The following IGSF11 variants were observed in gnomAD, a reference collection of about 807,000 sequenced individuals.
IGSF11 encodes the protein immunoglobulin superfamily member 11.
In IGSF11, 22 loss-of-function variants were observed where a neutral mutation model predicts 41.0. That is an observed-to-expected ratio of 0.54 (90% CI 0.38 to 0.77). The LOEUF (loss-of-function observed/expected upper bound fraction) is 0.77, where lower values mean the gene tolerates loss of function less well. IGSF11 is among the 30% of genes least tolerant of loss of function. The pLI is 0.00. For missense variants in IGSF11, 444 were observed against 530.8 expected, an observed-to-expected ratio of 0.84 and a Z score of 1.61; for synonymous variants, 219 against 201.3, an observed-to-expected ratio of 1.09 and a Z score of -0.74.
intron 1 of IGSF11, among the ~76,000 whole-genome samples, chr3:118,987,625 G>C (rs553251797): frequency 6.6e-6 from 1 of 152,192 alleles, no homozygotes; most frequent in Non-Finnish European, 1.5e-5. Flanking sequence ...GGGACACCAG[G>C]CAAAGAGCCC....
chr3:119,029,920 C>A (rs1940240477), intron 1 of IGSF11, among the ~76,000 whole-genome samples: 1 of 152,166 alleles, frequency 6.6e-6, no homozygotes, highest in South Asian at 2.1e-4. Flanking sequence ...ATTGACTTTC[C>A]AATCCCACAA....
intron 1 of IGSF11, among the ~76,000 whole-genome samples, chr3:119,029,053 A>G (rs1255089751): frequency 6.6e-6 from 1 of 152,120 alleles, no homozygotes; most frequent in East Asian, 1.9e-4. Flanking sequence ...ATGAAAAAAA[A>G]AGAAAACAAC....
At chr3:119,087,362 A>G (rs533554624) in intron 1 of IGSF11, among the ~76,000 whole-genome samples, 1 of 146,488 alleles carries the variant, frequency 6.8e-6, no homozygotes, top group East Asian at 2.0e-4. Flanking sequence ...AAGTGAATAA[A>G]GAAAATGTTA....
chr3:119,137,020 A>G (rs538828771), intron 1 of IGSF11, among the ~76,000 whole-genome samples: 1 of 152,276 alleles, frequency 6.6e-6, no homozygotes, highest in East Asian at 1.9e-4. Context: ...AATTAATTAA[A>G]GTGAAAGATC....
intron 1 of IGSF11, among the ~76,000 whole-genome samples, chr3:118,989,428 C>T (rs1432336007): frequency 1.3e-5 from 2 of 152,002 alleles, no homozygotes; most frequent in African/African-American, 2.4e-5. Context: ...TCTCAGCTCA[C>T]TGCAACCTCC....
chr3:119,119,282 A>T (rs1181576245), intron 1 of IGSF11, among the ~76,000 whole-genome samples: 2 of 152,216 alleles, frequency 1.3e-5, no homozygotes, highest in African/African-American at 4.8e-5. Context: ...TGGCCAGGGA[A>T]GCCTCACAAT....
intron 1 of IGSF11, among the ~76,000 whole-genome samples, chr3:119,099,133 A>G (rs1262164848): frequency 1.3e-5 from 2 of 152,220 alleles, no homozygotes; most frequent in African/African-American, 4.8e-5. Context: ...ACAAATTTCA[A>G]GGGTACTTTT....
chr3:118,922,890 C>G (rs1434042389), intron 4 of IGSF11, among the ~76,000 whole-genome samples: 1 of 152,086 alleles, frequency 6.6e-6, no homozygotes, highest in Non-Finnish European at 1.5e-5. Flanking sequence ...TTCCCACTTT[C>G]TTGCTTGCTG....
At chr3:118,956,560 A>G (rs547068553) in intron 1 of IGSF11, among the ~76,000 whole-genome samples, 1 of 152,340 alleles carries the variant, frequency 6.6e-6, no homozygotes, top group African/African-American at 2.4e-5. Flanking sequence ...AGAGGGGAGA[A>G]AGACAGGCAA....
chr3:119,062,528 T>C (rs1269572966), intron 1 of IGSF11, among the ~76,000 whole-genome samples: 1 of 152,212 alleles, frequency 6.6e-6, no homozygotes, highest in Non-Finnish European at 1.5e-5. Flanking sequence ...AATCAGATCA[T>C]GCAAAATACA....
chr3:119,059,137 TA>T (rs1559843185), intron 1 of IGSF11, among the ~76,000 whole-genome samples: 1 of 135,034 alleles, frequency 7.4e-6, no homozygotes, highest in Non-Finnish European at 1.6e-5. Context: ...TAATAAAATT[TA>T]AAAAAAGAAA....
At chr3:119,001,491 T>G (rs1936849338) in intron 1 of IGSF11, among the ~76,000 whole-genome samples, 1 of 149,314 alleles carries the variant, frequency 6.7e-6, no homozygotes, top group Non-Finnish European at 1.5e-5. Flanking sequence ...TTTATTATAC[T>G]TTAAGTTTTA....
At chr3:118,955,714 C>T (rs946966616) in intron 1 of IGSF11, among the ~76,000 whole-genome samples, 2 of 152,062 alleles carry the variant, frequency 1.3e-5, no homozygotes, top group African/African-American at 4.8e-5. Context: ...CTTTGTTATT[C>T]CATTTACAAA....
At chr3:118,935,525 T>C (rs1943205796) in intron 1 of IGSF11, among the ~76,000 whole-genome samples, 1 of 151,326 alleles carries the variant, frequency 6.6e-6, no homozygotes, top group Non-Finnish European at 1.5e-5. Context: ...GGAAGATGGC[T>C]GAAAATTGGT....
intron 1 of IGSF11, among the ~76,000 whole-genome samples, chr3:119,002,618 A>C (rs1430366573): frequency 7.0e-6 from 1 of 142,496 alleles, no homozygotes; most frequent in Non-Finnish European, 1.5e-5. Flanking sequence ...CTAACATTTA[A>C]ATCTTTAATC....
At chr3:118,970,538 C>A (rs1933268711) in intron 1 of IGSF11, among the ~76,000 whole-genome samples, 2 of 152,002 alleles carry the variant, frequency 1.3e-5, no homozygotes, top group African/African-American at 2.4e-5. Flanking sequence ...TTATCAGAAT[C>A]CTGGCATTAT....
intron 1 of IGSF11, among the ~76,000 whole-genome samples, chr3:119,031,408 A>C (rs1940387008): frequency 6.6e-6 from 1 of 152,252 alleles, no homozygotes; most frequent in South Asian, 2.1e-4. Flanking sequence ...AATCTTTTGC[A>C]CCAGCACATC....
intron 1 of IGSF11, among the ~76,000 whole-genome samples, chr3:118,963,016 G>A (rs770988008): frequency 1.3e-5 from 2 of 152,228 alleles, no homozygotes; most frequent in African/African-American, 2.4e-5. Context: ...GTGCCACTTT[G>A]CTGACACAGA....
chr3:119,047,534 A>C (rs1941413311), intron 1 of IGSF11, among the ~76,000 whole-genome samples: 1 of 152,246 alleles, frequency 6.6e-6, no homozygotes, highest in South Asian at 2.1e-4. Flanking sequence ...TTAGACTCCC[A>C]CACATTAATA....
Sources: allele counts gnomAD v4.1 joint callset (sites outside exome capture counted in the v4.1 genomes callset), GRCh38; gene constraint gnomAD v4.1.1; transcripts MANE v1.5; gene names NCBI Gene and HGNC (gene_info 2026-07-23, HGNC 2026-07-21).